The following EEPD1 variants were observed in gnomAD, a reference collection of about 807,000 sequenced individuals.
EEPD1 encodes the protein endonuclease/exonuclease/phosphatase family domain-containing protein 1.
A neutral mutation model predicts 46.3 loss-of-function variants in EEPD1; 17 were observed. The ratio of observed to expected loss-of-function variants is 0.37; its 90% CI spans 0.25 to 0.55. The LOEUF (loss-of-function observed/expected upper bound fraction) is 0.55, where lower values mean the gene tolerates loss of function less well. Among genes scored for constraint, EEPD1 ranks in the 20% least tolerant of loss-of-function variants. The pLI, the probability that EEPD1 is intolerant of heterozygous loss-of-function variation, is 0.83. For missense variants in EEPD1, 673 were observed against 745.6 expected, an observed-to-expected ratio of 0.90 and a Z score of 1.13; for synonymous variants, 313 against 315.6, an observed-to-expected ratio of 0.99 and a Z score of 0.09.
intron 2 of EEPD1, among the ~76,000 whole-genome samples, chr7:36,202,007 GCAGAATCTCGGGCCCCACCCA>G (rs1441437167): frequency 5.9e-5 from 9 of 152,192 alleles, no homozygotes; most frequent in Admixed American, 5.9e-4. Flanking sequence ...TGTTGGAAAT[GCAGAATCTCGGGCCCCACCCA>G]CAGACTCAAG....
chr7:36,181,595 C>T (rs1785269796), intron 2 of EEPD1, among the ~76,000 whole-genome samples: 1 of 152,152 alleles, frequency 6.6e-6, no homozygotes, highest in Non-Finnish European at 1.5e-5. Flanking sequence ...GCCTAGCCCC[C>T]AAACACTGCC....
intron 2 of EEPD1, chr7:36,230,666 T>C (rs1007376070): frequency 1.3e-5 from 2 of 152,204 alleles, no homozygotes; most frequent in Non-Finnish European, 2.9e-5. Context: ...GCAGTGCCCT[T>C]CCAGCAGGCA....
At chr7:36,256,355 A>C (rs1786828478) in intron 3 of EEPD1, among the ~76,000 whole-genome samples, 1 of 152,236 alleles carries the variant, frequency 6.6e-6, no homozygotes, top group Non-Finnish European at 1.5e-5. Context: ...TCCAGAGCTG[A>C]GTTCAAGTCC....
rs1348086494 is a variant in EEPD1, at chr7:36,206,886, C to G, written c.879-32099C>G. ...CAACATGGTGAAACACCGTCTCTAC[C>G]AAAAATATAAACATTAGCCAGGTGT... On this transcript the variant is annotated intron_variant, in intron 2 of 7. Transcript: ENST00000242108. Among the ~76,000 whole-genome samples the G allele has an allele frequency of 2.0e-5, 3 of 152,080 alleles. No individual in the cohort carries two copies. The East Asian group carries it at 5.8e-4, about 29-fold the overall frequency.
intron 3 of EEPD1, among the ~76,000 whole-genome samples, chr7:36,249,026 C>CACAT (rs1786689204): frequency 6.6e-6 from 1 of 151,868 alleles, no homozygotes; most frequent in Non-Finnish European, 1.5e-5. Flanking sequence ...CACACACACA[C>CACAT]ACACACACAT....
chr7:36,289,048 G>A (rs1360803332), intron 6 of EEPD1, among the ~76,000 whole-genome samples: 2 of 152,096 alleles, frequency 1.3e-5, no homozygotes, highest in African/African-American at 2.4e-5. Context: ...GATTCATGAA[G>A]ATTTTACTAC....
intron 2 of EEPD1, among the ~76,000 whole-genome samples, chr7:36,223,286 A>T (rs1786179052): frequency 6.6e-6 from 1 of 152,188 alleles, no homozygotes. Context: ...CTGGTGTGCA[A>T]GGGCTCTTGG....
At chr7:36,155,898 C>T (rs769352333) in intron 2 of EEPD1, among the ~76,000 whole-genome samples, 4 of 152,120 alleles carry the variant, frequency 2.6e-5, no homozygotes, top group African/African-American at 7.2e-5. Flanking sequence ...TACCACAGAG[C>T]GTTTATGTTA....
intron 3 of EEPD1, among the ~76,000 whole-genome samples, chr7:36,251,606 G>A (rs957703856): frequency 3.9e-5 from 6 of 152,116 alleles, no homozygotes; most frequent in African/African-American, 1.4e-4. Flanking sequence ...CACTGTGCCT[G>A]GCCCCCTACT....
At chr7:36,200,001 G>A (rs1381067437) in intron 2 of EEPD1, among the ~76,000 whole-genome samples, 1 of 152,118 alleles carries the variant, frequency 6.6e-6, no homozygotes. Context: ...AGGTTCAGGG[G>A]TACATGTGCA....
chr7:36,279,899 G>T (rs941560950), intron 3 of EEPD1, among the ~76,000 whole-genome samples: 5 of 152,210 alleles, frequency 3.3e-5, no homozygotes. Context: ...TGCAGGGTGG[G>T]TCCAGTGACG....
chr7:36,287,783 A>ACATT lies in EEPD1; in HGVS notation c.1315+7_1315+10dup. The ACATT allele has an allele frequency of 1.3e-5, 21 of 1,613,414 alleles. No homozygotes were observed. In the African/African-American group the frequency reaches 1.7e-4, roughly 13 times the overall value. ...CCTACAGGAAACCCTGAAAGGTAGG[A>ACATT]CATTGTCTTTTGCTGTGACTCGGCC... is the stretch of plus-strand genomic sequence containing the variant. On this transcript the variant is annotated splice_region_variant and intron_variant, in intron 6 of 7. Coordinates refer to ENST00000242108, the MANE Select transcript of EEPD1 (RefSeq NM_030636.3).
rs200333730 is a variant in EEPD1 at position 36,154,657 on chromosome 7, C to T, written c.333C>T (p.Pro111=). ...SSKGSSAQHS[P]SSLRRDLLAE... ...AGGGCAGCTCAGCGCAGCACTCTCC[C>T]AGTTCCCTGCGGCGGGACCTGCTAG... Residue 111 remains proline (P), a synonymous_variant, in exon 2 of 8, where the codon CCC becomes CCT. Transcript: ENST00000242108. This position sits in a 1 kb window ranked among gnomAD's most constrained non-coding sequence, Gnocchi z 4.2. 2.7e-5 allele frequency: 44 copies of T among 1,613,818 alleles called. No homozygotes were observed. The highest frequency in any genetic ancestry group is 3.7e-5 in the Non-Finnish European group (44 of 1,180,034).
intron 2 of EEPD1, among the ~76,000 whole-genome samples, chr7:36,197,826 C>T (rs1452090971): frequency 6.6e-6 from 1 of 151,932 alleles, no homozygotes. Flanking sequence ...GCTGACCTTC[C>T]CTCCACTATT....
intron 2 of EEPD1, among the ~76,000 whole-genome samples, chr7:36,174,113 T>C (rs1041698425): frequency 7.9e-5 from 12 of 152,212 alleles, no homozygotes; most frequent in African/African-American, 2.2e-4. Context: ...TGCTGTTGGC[T>C]GCACAGGCTG....
Position 36,193,887 on chromosome 7 carries a change from A to AC in EEPD1, c.878+38685_878+38686insC, listed in dbSNP as rs1253796445. 6.6e-6 allele frequency among the ~76,000 whole-genome samples: 1 copy of AC among 152,134 alleles called. No homozygotes were observed. The highest frequency in any genetic ancestry group is 1.5e-5 in the Non-Finnish European group (1 of 68,022). ...ATTCTGTGGGAGAGATGACAGTAAA[A>AC]TTAGGCTGTGGACATAATGTGAGCA... is the stretch of plus-strand genomic sequence containing the variant. On this transcript the variant is annotated intron_variant, in intron 2 of 7. Coordinates refer to ENST00000242108, the MANE Select transcript of EEPD1 (RefSeq NM_030636.3). This position sits in a 1 kb window ranked among gnomAD's most constrained non-coding sequence, Gnocchi z 4.9.
chr7:36,232,814 C>T (rs1254871311), intron 2 of EEPD1, among the ~76,000 whole-genome samples: 1 of 151,616 alleles, frequency 6.6e-6, no homozygotes, highest in Non-Finnish European at 1.5e-5. Flanking sequence ...TGGCATCCTT[C>T]AGGTTTTGAC....
At chr7:36,238,432 T>G (rs556320413) in intron 2 of EEPD1, among the ~76,000 whole-genome samples, 1 of 152,352 alleles carries the variant, frequency 6.6e-6, no homozygotes, top group South Asian at 2.1e-4. Flanking sequence ...CCCTGACAGT[T>G]CTACTTCCTG....
chr7:36,293,782 G>A (rs1381105411), intron 6 of EEPD1, among the ~76,000 whole-genome samples: 2 of 152,072 alleles, frequency 1.3e-5, no homozygotes, highest in Non-Finnish European at 2.9e-5. Context: ...TGGCCAACAT[G>A]GTGAAACCCC....
Sources: gnomAD v4.1 joint callset for allele counts (sites outside exome capture counted in the v4.1 genomes callset) on GRCh38, gnomAD v4.1.1 for gene constraint, Gnocchi (gnomAD v3.1) non-coding constraint, MANE v1.5 for transcripts, NCBI Gene and HGNC (gene_info 2026-07-23, HGNC 2026-07-21) for gene names.